ZFPM2: variants seen among roughly 807,000 people sequenced by gnomAD.
ZFPM2 encodes zinc finger protein, FOG family member 2, also known as zinc finger protein ZFPM2.
In ZFPM2, 20 loss-of-function variants were observed where a neutral mutation model predicts 98.6. The observed-to-expected ratio is 0.20, with a 90% CI of 0.14 to 0.29. The LOEUF (loss-of-function observed/expected upper bound fraction) is 0.29, where lower values mean the gene tolerates loss of function less well. Among genes scored for constraint, ZFPM2 ranks in the 10% least tolerant of loss-of-function variants. The probability of loss-of-function intolerance (pLI) is 1.00; values close to 1 mark genes in which losing one functional copy is unlikely to be tolerated. For synonymous variants in ZFPM2, 518 were observed against 502.7 expected (o/e 1.03, Z -0.41); for missense variants, 1,310 against 1,388.6 (o/e 0.94, Z 0.90).
At chr8:105,492,107 G>A (rs1207925595) in intron 3 of ZFPM2, among the ~76,000 whole-genome samples, 1 of 152,080 alleles carries the variant, frequency 6.6e-6, no homozygotes, top group East Asian at 1.9e-4. Flanking sequence ...AATCCTTATG[G>A]AAGAGATAAA....
intron 5 of ZFPM2, among the ~76,000 whole-genome samples, chr8:105,673,377 A>G (rs571388765): frequency 6.6e-6 from 1 of 152,014 alleles, no homozygotes; most frequent in African/African-American, 2.4e-5. Context: ...CTTCAAAATG[A>G]TAGTCAGCAA....
chr8:105,673,187 CTTTTTTTTT>C (rs5893754), intron 5 of ZFPM2, among the ~76,000 whole-genome samples: 2 of 87,526 alleles, frequency 2.3e-5, no homozygotes, highest in Admixed American at 1.4e-4. Context: ...AAATAGCATG[CTTTTTTTTT>C]TTTTTTTTTT....
chr8:105,606,188 A>G (rs1461106305), intron 4 of ZFPM2, among the ~76,000 whole-genome samples: 2 of 152,230 alleles, frequency 1.3e-5, no homozygotes, highest in Admixed American at 6.6e-5. Context: ...AAAAACAGAG[A>G]TGAAACAAAT....
intron 5 of ZFPM2, among the ~76,000 whole-genome samples, chr8:105,767,157 C>A (rs1245599606): frequency 6.6e-6 from 1 of 151,684 alleles, no homozygotes; most frequent in Non-Finnish European, 1.5e-5. Context: ...GTCTGGAAGA[C>A]AAACAGGTGT....
intron 4 of ZFPM2, among the ~76,000 whole-genome samples, chr8:105,592,454 G>A (rs1276223802): frequency 6.6e-6 from 1 of 151,992 alleles, no homozygotes; most frequent in Non-Finnish European, 1.5e-5. Context: ...CATTTTTCCA[G>A]TATAAAAATG....
At chr8:105,501,869 C>T (rs977948053) in intron 3 of ZFPM2, among the ~76,000 whole-genome samples, 33 of 151,938 alleles carry the variant, frequency 2.2e-4, no homozygotes, top group African/African-American at 7.8e-4. Context: ...TCCTATATCT[C>T]TTTGAAATTT....
chr8:105,549,198 A>G (rs1019520847), intron 3 of ZFPM2, among the ~76,000 whole-genome samples: 2 of 151,988 alleles, frequency 1.3e-5, no homozygotes, highest in African/African-American at 4.8e-5. Context: ...TTCATGTTGG[A>G]AAGGGAAAGA....
intron 3 of ZFPM2, among the ~76,000 whole-genome samples, chr8:105,465,657 T>A (rs1258991675): frequency 2.0e-5 from 3 of 151,998 alleles, no homozygotes; most frequent in Non-Finnish European, 2.9e-5. Flanking sequence ...ATTTGCAATA[T>A]TTTTATGATA....
intron 5 of ZFPM2, among the ~76,000 whole-genome samples, chr8:105,718,794 C>T (rs895383901): frequency 3.3e-5 from 5 of 151,880 alleles, no homozygotes; most frequent in African/African-American, 1.2e-4. Flanking sequence ...TCCCAACCCC[C>T]AATTGCTTAT....
intron 5 of ZFPM2, among the ~76,000 whole-genome samples, chr8:105,644,127 T>C (rs919356751): frequency 2.0e-5 from 3 of 152,124 alleles, no homozygotes; most frequent in African/African-American, 7.2e-5. Flanking sequence ...GATCTGCTCT[T>C]GGATGCTTCT....
chr8:105,411,574 T>C (rs1309809558), intron 1 of ZFPM2, among the ~76,000 whole-genome samples: 1 of 151,890 alleles, frequency 6.6e-6, no homozygotes. Context: ...TTCGTACTTA[T>C]TTTCTGTTAG....
intron 1 of ZFPM2, among the ~76,000 whole-genome samples, chr8:105,342,204 G>A (rs1289902820): frequency 1.3e-5 from 2 of 152,010 alleles, no homozygotes; most frequent in African/African-American, 2.4e-5. Flanking sequence ...TAAGTGATAA[G>A]TTAACCTTTC....
At chr8:105,557,415 C>T (rs945995984) in intron 3 of ZFPM2, among the ~76,000 whole-genome samples, 1 of 152,180 alleles carries the variant, frequency 6.6e-6, no homozygotes, top group African/African-American at 2.4e-5. Context: ...CATTACCAAA[C>T]TATAACTCCT....
Position 105,603,146 on chromosome 8 carries a change from C to T in ZFPM2, c.421-31100C>T, listed in dbSNP as rs113738094. On this transcript the variant is annotated intron_variant, in intron 4 of 7. Coordinates refer to ENST00000407775, the MANE Select transcript of ZFPM2 (RefSeq NM_012082.4). Reference sequence around the variant, plus strand: ...AAAATTGTATGGTGTTAGGCAATAGCAAAGGGATTCCATACCAAAAGGTGC... The same window carrying T: ...AAAATTGTATGGTGTTAGGCAATAGTAAAGGGATTCCATACCAAAAGGTGC... Among the ~76,000 whole-genome samples, 342 of 152,160 alleles carry T rather than the reference C, an allele frequency of 2.2e-3. 2 individuals are homozygous for T. Among genetic ancestry groups the T allele is most frequent in the African/African-American group, 7.7e-3 (320 of 41,516 alleles).
In ZFPM2 at chr8:105,366,291, T is replaced by C. The variant is rs561702164; in HGVS notation, c.40+47310T>C. Among the ~76,000 whole-genome samples, 6 of 152,296 alleles carry C rather than the reference T, an allele frequency of 3.9e-5. No homozygotes were observed. In the East Asian group the frequency reaches 1.2e-3, roughly 30 times the overall value. ...GGACTTTTCATCTGTACTAGGGTTG[T>C]TTTCTTGCTAGGTAGGGAGAAATCC... is the stretch of plus-strand genomic sequence containing the variant. On this transcript the variant is annotated intron_variant, in intron 1 of 7. Coordinates refer to ENST00000407775, the MANE Select transcript of ZFPM2 (RefSeq NM_012082.4).
In ZFPM2 at chr8:105,644,669, A is replaced by T. The variant is rs530626245; in HGVS notation, c.532+10312A>T. On this transcript the variant is annotated intron_variant, in intron 5 of 7. Transcript: ENST00000407775. Reference sequence around the variant, plus strand: ...CTTAAACAATAAATATTTATTTCTCATGATTCCGGAGACTGGGAAGTCCAT... The same window carrying T: ...CTTAAACAATAAATATTTATTTCTCTTGATTCCGGAGACTGGGAAGTCCAT... Among the ~76,000 whole-genome samples, 49 of 152,232 alleles carry T rather than the reference A, an allele frequency of 3.2e-4. 1 individual carries two copies. Among genetic ancestry groups the T allele is most frequent in the Non-Finnish European group, 2.9e-5 (2 of 68,016 alleles).
At chr8:105,461,905 A>G (rs1812710755) in intron 3 of ZFPM2, among the ~76,000 whole-genome samples, 1 of 152,136 alleles carries the variant, frequency 6.6e-6, no homozygotes, top group Non-Finnish European at 1.5e-5. Context: ...TGGTCTCCGG[A>G]GATTGTGTGT....
chr8:105,455,505 A>G (rs1375547477), intron 3 of ZFPM2, among the ~76,000 whole-genome samples: 1 of 149,632 alleles, frequency 6.7e-6, no homozygotes, highest in Non-Finnish European at 1.5e-5. Flanking sequence ...AGTGCCTTGT[A>G]GTCTGTAATA....
chr8:105,655,811 A>C (rs1292824941), intron 5 of ZFPM2, among the ~76,000 whole-genome samples: 1 of 152,182 alleles, frequency 6.6e-6, no homozygotes, highest in Admixed American at 6.5e-5. Context: ...AATATCCTCT[A>C]AAAGCATTGT....
Sources: allele counts gnomAD v4.1 joint callset (sites outside exome capture counted in the v4.1 genomes callset), GRCh38; gene constraint gnomAD v4.1.1; transcripts MANE v1.5; gene names NCBI Gene and HGNC (gene_info 2026-07-23, HGNC 2026-07-21).